Variants in SYTL5 observed in about 807,000 individuals in gnomAD.
SYTL5 encodes the protein synaptotagmin like 5, also known as synaptotagmin-like protein 5.
Under a neutral mutation model 55.9 loss-of-function variants are expected in SYTL5, and 34 were observed. The observed-to-expected ratio is 0.61, with a 90% CI of 0.46 to 0.81. The LOEUF (loss-of-function observed/expected upper bound fraction) is 0.81, where lower values mean the gene tolerates loss of function less well. SYTL5 is among the 30% of genes least tolerant of loss of function. The pLI is 0.00. For synonymous variants in SYTL5, 221 were observed against 188.7 expected (o/e 1.17, Z -1.40); for missense variants, 637 against 546.7 (o/e 1.17, Z -1.65).
At chrX:38,065,473 T>C (rs1936073119) in intron 3 of SYTL5, among the ~76,000 whole-genome samples, 1 of 112,073 alleles carries the variant, frequency 8.9e-6, no homozygotes, top group Admixed American at 9.4e-5. Context: ...AATTCTAGAT[T>C]GATAGTATTT....
chrX:38,083,255 C>T (rs1027848723), intron 6 of SYTL5, among the ~76,000 whole-genome samples: 1 of 111,229 alleles, frequency 9.0e-6, no homozygotes, highest in African/African-American at 3.3e-5. Context: ...AATATTATCA[C>T]GTTGAGAGTA....
chrX:37,952,082 G>C, the SYTL5 span, among the ~76,000 whole-genome samples: 2 of 111,441 alleles, frequency 1.8e-5, no homozygotes, highest in South Asian at 3.8e-4. Context: ...AAAGGTCAGG[G>C]TGAGGAGGGA....
chrX:38,126,260 T>C (rs1432145560), intron 16 of SYTL5, among the ~76,000 whole-genome samples: 1 of 112,025 alleles, frequency 8.9e-6, no homozygotes, highest in Non-Finnish European at 1.9e-5. Context: ...GTCAGAAAAG[T>C]GCCCTTGTTA....
chrX:37,937,470 G>A, the SYTL5 span, among the ~76,000 whole-genome samples: 1 of 111,127 alleles, frequency 9.0e-6, no homozygotes, highest in African/African-American at 3.3e-5. Context: ...AAAGGAAGGG[G>A]GACCTCAGTC....
the SYTL5 span, among the ~76,000 whole-genome samples, chrX:37,896,229 C>T: frequency 8.9e-6 from 1 of 112,150 alleles, no homozygotes; most frequent in South Asian, 3.7e-4. Flanking sequence ...TCCCTCTCAA[C>T]CAGTGTTATT....
chrX:37,953,003 C>T, the SYTL5 span, among the ~76,000 whole-genome samples: 2 of 111,040 alleles, frequency 1.8e-5, no homozygotes, highest in African/African-American at 3.3e-5. Context: ...TTAATAATTA[C>T]GCCAGAACCA....
At chrX:37,940,729 C>T in the SYTL5 span, among the ~76,000 whole-genome samples, 313 of 109,525 alleles carry the variant, frequency 2.9e-3, 1 homozygote, top group Non-Finnish European at 4.7e-3. Flanking sequence ...ATAAATATGA[C>T]CACTGTGTTT....
chrX:38,025,103 G>C (rs1934716694), intron 1 of SYTL5, among the ~76,000 whole-genome samples: 1 of 112,008 alleles, frequency 8.9e-6, no homozygotes, highest in Admixed American at 9.5e-5. Context: ...CAGGATGACT[G>C]CTCCTCTATT....
the SYTL5 span, among the ~76,000 whole-genome samples, chrX:37,934,862 G>A: frequency 2.7e-5 from 3 of 111,258 alleles, no homozygotes; most frequent in Non-Finnish European, 5.6e-5. Context: ...TCAAACTCCT[G>A]ACCTCAAGTG....
chrX:38,106,568 C>G (rs763589877), intron 10 of SYTL5, 25 bp from the exon 11 acceptor site: 16 of 1,147,330 alleles, frequency 1.4e-5, no homozygotes, highest in Non-Finnish European at 9.3e-6. Context: ...ACACTAGAAG[C>G]CTTTTTCCAT....
intron 13 of SYTL5, among the ~76,000 whole-genome samples, chrX:38,112,878 T>A (rs774160206): frequency 8.9e-6 from 1 of 112,242 alleles, no homozygotes; most frequent in African/African-American, 3.2e-5. Context: ...ACGTTTCTCA[T>A]AGATTATGCA....
chrX:38,090,316 C>T (rs181875541), intron 7 of SYTL5, among the ~76,000 whole-genome samples: 1 of 111,537 alleles, frequency 9.0e-6, no homozygotes, highest in East Asian at 2.8e-4. Flanking sequence ...TTTTTATTTT[C>T]TTTTCTATAC....
the SYTL5 span, chrX:37,945,831 C>A: frequency 1.8e-4 from 25 of 141,720 alleles, no homozygotes; most frequent in Non-Finnish European, 4.7e-5. Context: ...ATCATGGCTA[C>A]AGTCACCTTA....
At chrX:37,980,495 T>C in the SYTL5 span, among the ~76,000 whole-genome samples, 26 of 112,598 alleles carry the variant, frequency 2.3e-4, no homozygotes, top group East Asian at 6.7e-3. Flanking sequence ...GAAATGATCC[T>C]AAAGGCGTAT....
At chrX:37,970,485 C>G in the SYTL5 span, among the ~76,000 whole-genome samples, 1 of 108,234 alleles carries the variant, frequency 9.2e-6, no homozygotes, top group Admixed American at 1.0e-4. Context: ...GATATTTTAC[C>G]TTTAATAAGA....
At chrX:37,895,436 C>CCTTCCTTCCTT in the SYTL5 span, among the ~76,000 whole-genome samples, 2 of 94,528 alleles carry the variant, frequency 2.1e-5, no homozygotes, top group African/African-American at 1.0e-4. Flanking sequence ...TTCCTTCCTT[C>CCTTCCTTCCTT]CTTCCTTCCT....
At chrX:37,995,781 T>C in the SYTL5 span, among the ~76,000 whole-genome samples, 4 of 112,492 alleles carry the variant, frequency 3.6e-5, no homozygotes, top group Non-Finnish European at 7.5e-5. Flanking sequence ...CCTCAGATCT[T>C]GACATGTTGA....
At chrX:37,892,573 C>T in the SYTL5 span, among the ~76,000 whole-genome samples, 7 of 90,998 alleles carry the variant, frequency 7.7e-5, no homozygotes, top group South Asian at 4.7e-4. Context: ...ATTGTATATA[C>T]GTATATATAC....
Position 38,024,982 on chromosome X carries a change from G to C in SYTL5, c.-356-8552G>C, listed in dbSNP as rs754696304. Reference sequence around the variant, plus strand: ...ATCTCTCTTTGAGTCATTCAGTTTGGGGTTCGTTGTAAAAGTACTACTTTT... The same window carrying C: ...ATCTCTCTTTGAGTCATTCAGTTTGCGGTTCGTTGTAAAAGTACTACTTTT... On this transcript the variant is annotated intron_variant, in intron 1 of 16. Transcript: ENST00000297875. 5.4e-5 allele frequency among the ~76,000 whole-genome samples: 6 copies of C among 111,735 alleles called. No individual in the cohort carries two copies. The Admixed American group carries it at 5.7e-4, about 11-fold the overall frequency.
Sources: allele counts gnomAD v4.1 joint callset (sites outside exome capture counted in the v4.1 genomes callset), GRCh38; gene constraint gnomAD v4.1.1; transcripts MANE v1.5; gene names NCBI Gene and HGNC (gene_info 2026-07-23, HGNC 2026-07-21).